The following IL1RL2 variants were observed in gnomAD, a reference collection of about 807,000 sequenced individuals.
IL1RL2 encodes interleukin-1 receptor-like 2.
IL1RL2 carries 68 observed loss-of-function variants against 66.8 expected under a neutral mutation model. That is an observed-to-expected ratio of 1.02 (90% CI 0.84 to 1.25). The LOEUF (loss-of-function observed/expected upper bound fraction) is 1.25, where lower values mean the gene tolerates loss of function less well. IL1RL2 is among the 50% of genes most tolerant of loss of function. IL1RL2 has a pLI of 0.00. For synonymous variants in IL1RL2, 305 were observed against 264.6 expected, an observed-to-expected ratio of 1.15 and a Z score of -1.48; for missense variants, 729 against 709.3, an observed-to-expected ratio of 1.03 and a Z score of -0.32.
Position 102,191,914 on chromosome 2 carries a change from C to A in IL1RL2, c.294-11C>A, listed in dbSNP as rs2104711816. 6.4e-7 allele frequency: 1 copy of A among 1,559,810 alleles called. No homozygotes were observed. The highest frequency in any genetic ancestry group is 1.4e-5 in the African/African-American group (1 of 72,144). On this transcript the variant is annotated splice_polypyrimidine_tract_variant and intron_variant, in intron 3 of 11. Transcript: ENST00000264257. ...TTTAAAGAGTTTATGAGGTCTCAAT[C>A]TGTCTTACAGGGGTAGAGACAGCTG...
intron 4 of IL1RL2, 97 bp from the exon 5 acceptor site, chr2:102,201,459 T>C: frequency 9.3e-7 from 1 of 1,076,322 alleles, no homozygotes; most frequent in South Asian, 1.4e-5. Flanking sequence ...GCTAGCTATC[T>C]GTTGTCTTCC....
chr2:102,217,839 CAT>C (rs1689746998), intron 6 of IL1RL2, among the ~76,000 whole-genome samples: 2 of 151,982 alleles, frequency 1.3e-5, no homozygotes, highest in South Asian at 4.1e-4. Context: ...TAGAAGAAAA[CAT>C]AGAGGAATTG....
At chr2:102,197,903 G>A (rs1378289724) in intron 4 of IL1RL2, among the ~76,000 whole-genome samples, 2 of 152,212 alleles carry the variant, frequency 1.3e-5, no homozygotes, top group African/African-American at 2.4e-5. Context: ...TCCAGATTGT[G>A]GTAGAGGTAG....
intron 4 of IL1RL2, 112 bp from the exon 5 acceptor site, chr2:102,201,444 A>C: frequency 1.1e-6 from 1 of 887,236 alleles, no homozygotes; most frequent in Non-Finnish European, 1.8e-6. Flanking sequence ...CTATTTACCT[A>C]GCTAGCTAGC....
Position 102,225,969 on chromosome 2 carries a change from A to C in IL1RL2, c.1063A>C (p.Ile355Leu), listed in dbSNP as rs1450604516. Residue 355 changes from isoleucine (I) to leucine (L), a missense_variant, in exon 9 of 12, where the codon ATA becomes CTA. Physicochemically the swap from Ile to Leu is conservative, Grantham distance 5. Coordinates refer to ENST00000264257, the MANE Select transcript of IL1RL2 (RefSeq NM_003854.4). Reference sequence around the variant, plus strand: ...GGCTGTGGCTGTGTCTGTTGTGTACATATACAACATTTTTAAGATCGACAT... The same window carrying C: ...GGCTGTGGCTGTGTCTGTTGTGTACCTATACAACATTTTTAAGATCGACAT... ...LVAVAVSVVY[I>L]YNIFKIDIVL... The C allele has an allele frequency of 2.5e-6, 4 of 1,609,844 alleles. No homozygotes were observed. Among genetic ancestry groups the C allele is most frequent in the Non-Finnish European group, 3.4e-6 (4 of 1,177,646 alleles).
At chr2:102,225,854 T>A in intron 8 of IL1RL2, 44 bp from the exon 9 acceptor site, 1 of 1,409,588 alleles carries the variant, frequency 7.1e-7, no homozygotes, top group Non-Finnish European at 9.4e-7. Flanking sequence ...TTTGTTTCAT[T>A]ATTATAATTA....
At chr2:102,216,447 G>T (rs941686165) in intron 6 of IL1RL2, among the ~76,000 whole-genome samples, 1 of 151,942 alleles carries the variant, frequency 6.6e-6, no homozygotes, top group Non-Finnish European at 1.5e-5. Flanking sequence ...ATCCTTACTG[G>T]ACCTACTGTG....
chr2:102,204,511 G>T (rs187369441), intron 5 of IL1RL2, among the ~76,000 whole-genome samples: 2 of 152,148 alleles, frequency 1.3e-5, no homozygotes, highest in Admixed American at 1.3e-4. Context: ...TTGTATTGGA[G>T]CCTATCTTTC....
intron 4 of IL1RL2, among the ~76,000 whole-genome samples, chr2:102,193,599 G>A (rs896501114): frequency 3.3e-5 from 5 of 152,122 alleles, no homozygotes; most frequent in African/African-American, 1.2e-4. Context: ...TGGTCCTCAG[G>A]CCTTGGCCTC....
rs139096768 is a variant in IL1RL2 at position 102,219,904 on chromosome 2, A to G, written c.878A>G (p.His293Arg). The G allele has an allele frequency of 8.8e-4, 1,414 of 1,612,388 alleles. 5 individuals carry two copies. Among genetic ancestry groups the G allele is most frequent in the Middle Eastern group, 3.5e-3 (21 of 6,056 alleles). The change falls in exon 8 of 12, where the codon CAT becomes CGT. Residue 293 changes from histidine (H) to arginine (R), a missense_variant. Coordinates refer to ENST00000264257, the MANE Select transcript of IL1RL2 (RefSeq NM_003854.4). ...AGAACCCATGTCTCTTTTCGGGAACATAATTTGTACACAGTAAACATCACC... is the reference window on the plus strand; with the variant it reads ...AGAACCCATGTCTCTTTTCGGGAACGTAATTTGTACACAGTAAACATCACC... ...GVETHVSFRE[H>R]NLYTVNITFL...
At chr2:102,209,253 A>G (rs984517537) in intron 5 of IL1RL2, among the ~76,000 whole-genome samples, 31 of 152,348 alleles carry the variant, frequency 2.0e-4, no homozygotes, top group African/African-American at 7.2e-4. Context: ...ACTGTCAGAC[A>G]TGGTGATGGT....
chr2:102,234,795 A>T (rs969472879), intron 10 of IL1RL2, 102 bp from the exon 11 acceptor site: 4 of 1,168,088 alleles, frequency 3.4e-6, no homozygotes, highest in Non-Finnish European at 4.9e-6. Flanking sequence ...TCAAAAAAAA[A>T]AAGTCAATTT....
chr2:102,208,461 GT>G (rs1490098902), intron 5 of IL1RL2, among the ~76,000 whole-genome samples: 1 of 152,242 alleles, frequency 6.6e-6, no homozygotes, highest in Non-Finnish European at 1.5e-5. Flanking sequence ...TGGACAAGGA[GT>G]TCCTGCTGTG....
rs886612393 is a variant in IL1RL2 at position 102,232,994 on chromosome 2, C to T, written c.1167C>T (p.Tyr389=). ...AGCTGTATGACGCCTATGTCTTATACCCCAAGCCCCACAAGGAAAGCCAGA... is the reference window on the plus strand; with the variant it reads ...AGCTGTATGACGCCTATGTCTTATATCCCAAGCCCCACAAGGAAAGCCAGA... ...DGKLYDAYVL[Y]PKPHKESQRH... The change falls in exon 10 of 12, where the codon TAC becomes TAT. Residue 389 remains tyrosine, a synonymous_variant. Coordinates refer to ENST00000264257, the MANE Select transcript of IL1RL2 (RefSeq NM_003854.4). 4 of 1,614,146 alleles carry T rather than the reference C, an allele frequency of 2.5e-6. No individual in the cohort carries two copies. Among genetic ancestry groups the T allele is most frequent in the Non-Finnish European group, 3.4e-6 (4 of 1,180,016 alleles).
chr2:102,201,647 C>T lies in IL1RL2; in HGVS notation c.581C>T (p.Ala194Val), dbSNP rs76375740. ...NVSAEDRGNY[A>V]CQAILTHSGK... ...TCGGCAGAGGACAGAGGGAACTACG[C>T]GTGTCAAGCCATACTGACACACTCA... The change falls in exon 5 of 12, where the codon GCG becomes GTG. Residue 194 changes from alanine to valine, a missense_variant. Transcript: ENST00000264257. The T allele has an allele frequency of 3.0e-5, 48 of 1,613,954 alleles. No individual in the cohort carries two copies. The highest frequency in any genetic ancestry group is 1.2e-4 in the South Asian group (11 of 91,078).
At chr2:102,195,563 T>C (rs1397435786) in intron 4 of IL1RL2, among the ~76,000 whole-genome samples, 1 of 9,974 alleles carries the variant, frequency 1.0e-4, no homozygotes, top group African/African-American at 2.7e-4. Context: ...TTCTTTCTCT[T>C]TCTTTCTTTC....
At chr2:102,210,316 CG>C (rs1477658819) in intron 5 of IL1RL2, among the ~76,000 whole-genome samples, 4 of 152,012 alleles carry the variant, frequency 2.6e-5, no homozygotes, top group Non-Finnish European at 5.9e-5. Context: ...GGTAAGTAGT[CG>C]GGGGCCAAGA....
intron 5 of IL1RL2, among the ~76,000 whole-genome samples, chr2:102,202,286 C>T (rs958448769): frequency 6.6e-6 from 1 of 151,676 alleles, no homozygotes; most frequent in African/African-American, 2.4e-5. Flanking sequence ...GCTCAAGCCA[C>T]TAATTTAATT....
chr2:102,205,217 C>T (rs375104670), intron 5 of IL1RL2, among the ~76,000 whole-genome samples: 2 of 152,144 alleles, frequency 1.3e-5, no homozygotes, highest in East Asian at 1.9e-4. Context: ...ACTCACTACA[C>T]CTTGAAAAGT....
Sources: gnomAD v4.1 joint callset for allele counts (sites outside exome capture counted in the v4.1 genomes callset) on GRCh38, gnomAD v4.1.1 for gene constraint, MANE v1.5 for transcripts, NCBI Gene and HGNC (gene_info 2026-07-23, HGNC 2026-07-21) for gene names.